Variants in HDAC8 observed in about 807,000 individuals in gnomAD.
HDAC8 encodes histone deacetylase 8.
In HDAC8, 1 loss-of-function variant was observed where a neutral mutation model predicts 32.2. That is an observed-to-expected ratio of 0.03 (90% CI 0.01 to 0.15). HDAC8 has a LOEUF of 0.15. Among genes scored for constraint, HDAC8 ranks in the 10% least tolerant of loss-of-function variants. The pLI is 1.00. For missense variants in HDAC8, 117 were observed against 300.0 expected (o/e 0.39, Z 4.51); for synonymous variants, 108 against 113.9 (o/e 0.95, Z 0.33).
At position 72,331,771 on chromosome X, in the gene HDAC8, C is replaced by T. The variant is rs139715480; in HGVS notation, c.1112-1695G>A. On this transcript the variant is annotated intron_variant, in intron 10 of 10. Coordinates refer to ENST00000373573, the MANE Select transcript of HDAC8 (RefSeq NM_018486.3). ...ATTCACAGATCTTATTAATATGTCACTAGTTTTACAAGCACTCATTTGTGT... is the reference window on the plus strand; with the variant it reads ...ATTCACAGATCTTATTAATATGTCATTAGTTTTACAAGCACTCATTTGTGT... 6.3e-3 allele frequency among the ~76,000 whole-genome samples: 703 copies of T among 112,213 alleles called. 11 individuals carry two copies. The highest frequency in any genetic ancestry group is 0.021 in the African/African-American group (656 of 30,880).
At chrX:72,502,545 G>T (rs1556016718) in intron 4 of HDAC8, among the ~76,000 whole-genome samples, 2 of 111,262 alleles carry the variant, frequency 1.8e-5, no homozygotes. Flanking sequence ...GAAATAATCT[G>T]TATGACAAAC....
At chrX:72,472,072 ATTT>A (rs782362925) in intron 7 of HDAC8, among the ~76,000 whole-genome samples, 4 of 94,339 alleles carry the variant, frequency 4.2e-5, no homozygotes, top group Admixed American at 2.2e-4. Flanking sequence ...TATTTTATTT[ATTT>A]TTTTTTTTTT....
In HDAC8 at chrX:72,429,856, C is replaced by A. The variant is rs183012193; in HGVS notation, c.1005+32148G>T. Among the ~76,000 whole-genome samples the A allele has an allele frequency of 3.3e-4, 37 of 111,964 alleles. 1 individual carries two copies. The highest frequency in any genetic ancestry group is 1.1e-3 in the African/African-American group (34 of 30,836). On this transcript the variant is annotated intron_variant, in intron 9 of 10. Transcript: ENST00000373573. ...CTGAGAGGAGGTTGCTGCTCCCTGTCACAGTTGCCTGCTGCTGCAGCAATC... is the reference window on the plus strand; with the variant it reads ...CTGAGAGGAGGTTGCTGCTCCCTGTAACAGTTGCCTGCTGCTGCAGCAATC...
At chrX:72,548,002 C>T (rs1556060063) in intron 4 of HDAC8, among the ~76,000 whole-genome samples, 1 of 111,561 alleles carries the variant, frequency 9.0e-6, no homozygotes, top group Non-Finnish European at 1.9e-5. Flanking sequence ...GTCCCCTAAT[C>T]TCATTGCTTT....
In HDAC8 at chrX:72,476,462, C is replaced by T. The variant is rs1165425704; in HGVS notation, c.738-11731G>A. Among the ~76,000 whole-genome samples the T allele has an allele frequency of 3.6e-5, 4 of 111,281 alleles. No individual in the cohort carries two copies. In the East Asian group the frequency reaches 1.1e-3, roughly 31 times the overall value. Reference sequence around the variant, plus strand: ...TGTCATTTAACTGCTCTGTAACTACCAGGACTGCTCATAGTGTAGACTGCA... The same window carrying T: ...TGTCATTTAACTGCTCTGTAACTACTAGGACTGCTCATAGTGTAGACTGCA... On this transcript the variant is annotated intron_variant, in intron 7 of 10. Coordinates refer to ENST00000373573, the MANE Select transcript of HDAC8 (RefSeq NM_018486.3).
chrX:72,386,744 T>G (rs2045441547), intron 9 of HDAC8, among the ~76,000 whole-genome samples: 2 of 111,549 alleles, frequency 1.8e-5, no homozygotes, highest in Non-Finnish European at 3.8e-5. Flanking sequence ...AGCTAGTAAG[T>G]GGTGAAGCTG....
intron 4 of HDAC8, among the ~76,000 whole-genome samples, chrX:72,559,917 G>A (rs969772165): frequency 9.4e-6 from 1 of 106,230 alleles, no homozygotes; most frequent in Non-Finnish European, 1.9e-5. Flanking sequence ...CCCCCACCCC[G>A]CCAGCCGCCC....
chrX:72,549,203 C>T (rs1556062905), intron 4 of HDAC8, among the ~76,000 whole-genome samples: 1 of 111,367 alleles, frequency 9.0e-6, no homozygotes, highest in East Asian at 2.8e-4. Flanking sequence ...TTCTGATTCT[C>T]TTTCTTTTTG....
At chrX:72,430,774 G>A (rs1472153569) in intron 9 of HDAC8, among the ~76,000 whole-genome samples, 2 of 111,856 alleles carry the variant, frequency 1.8e-5, no homozygotes, top group Non-Finnish European at 3.8e-5. Context: ...GGGAGAGAAG[G>A]GGACTAACAG....
chrX:72,394,504 A>C (rs1206606931), intron 9 of HDAC8, among the ~76,000 whole-genome samples: 2 of 112,484 alleles, frequency 1.8e-5, no homozygotes, highest in African/African-American at 6.5e-5. Context: ...TTTACAGTTT[A>C]TAAATCGCTT....
At chrX:72,411,037 T>C (rs2046179062) in intron 9 of HDAC8, among the ~76,000 whole-genome samples, 1 of 104,808 alleles carries the variant, frequency 9.5e-6, no homozygotes, top group Admixed American at 1.0e-4. Flanking sequence ...TTTCTTTTTT[T>C]TTTTTTTTGA....
intron 9 of HDAC8, among the ~76,000 whole-genome samples, chrX:72,426,425 G>A (rs1329565136): frequency 1.8e-5 from 2 of 111,609 alleles, no homozygotes; most frequent in Non-Finnish European, 3.8e-5. Flanking sequence ...TAGATACATT[G>A]GATAGTAGAG....
intron 1 of HDAC8, 55 bp downstream of exon 1, chrX:72,572,596 A>AGCGCCCCCC: frequency 3.2e-6 from 1 of 316,322 alleles, no homozygotes; most frequent in Non-Finnish European, 5.6e-6. Flanking sequence ...TCTTTCGTCC[A>AGCGCCCCCC]CCGCCCCCAC....
At chrX:72,534,313 A>T (rs1228197283) in intron 4 of HDAC8, among the ~76,000 whole-genome samples, 63 of 93,421 alleles carry the variant, frequency 6.7e-4, no homozygotes, top group Non-Finnish European at 1.0e-3. Flanking sequence ...ATATATATAT[A>T]TATTTTTTTT....
intron 4 of HDAC8, among the ~76,000 whole-genome samples, chrX:72,508,023 C>T (rs1211788473): frequency 1.8e-5 from 2 of 111,852 alleles, no homozygotes; most frequent in African/African-American, 6.5e-5. Context: ...GGCTACCTTA[C>T]CCAGGCACAA....
intron 7 of HDAC8, chrX:72,473,714 C>T: frequency 1.2e-5 from 9 of 754,396 alleles, no homozygotes; most frequent in Non-Finnish European, 1.4e-5. Context: ...ATGTCAGCCA[C>T]TTTACCCACA....
chrX:72,425,414 A>G (rs923009295), intron 9 of HDAC8, among the ~76,000 whole-genome samples: 9 of 111,534 alleles, frequency 8.1e-5, no homozygotes, highest in Middle Eastern at 4.6e-3. Flanking sequence ...CTGTGGGGTA[A>G]CAGGAGCTTG....
chrX:72,457,789 G>A (rs1346125123), intron 9 of HDAC8, among the ~76,000 whole-genome samples: 2 of 111,731 alleles, frequency 1.8e-5, no homozygotes, highest in African/African-American at 6.5e-5. Flanking sequence ...TATAGATTCA[G>A]TGCCATCTAC....
rs782007198 is a variant in HDAC8 at position 72,496,033 on chromosome X, T to G, written c.438-765A>C. On this transcript the variant is annotated intron_variant, in intron 4 of 10. Transcript: ENST00000373573. ...CTACACTTCCATTAAGCCTTGCTGA[T>G]TAGATGTCAAATAACATTCTTTATC... Among the ~76,000 whole-genome samples, 7 of 111,873 alleles carry G rather than the reference T, an allele frequency of 6.3e-5. No homozygotes were observed. The South Asian group carries it at 1.5e-3, about 24-fold the overall frequency.
Sources: gnomAD v4.1 joint callset for allele counts (sites outside exome capture counted in the v4.1 genomes callset) on GRCh38, gnomAD v4.1.1 for gene constraint, MANE v1.5 for transcripts, NCBI Gene and HGNC (gene_info 2026-07-23, HGNC 2026-07-21) for gene names.